GREB1L: variants seen among roughly 807,000 people sequenced by gnomAD.
The protein encoded by GREB1L is GREB1-like protein.
In GREB1L, 17 loss-of-function variants were observed where a neutral mutation model predicts 200.8. That is an observed-to-expected ratio of 0.08 (90% CI 0.06 to 0.13). GREB1L has a LOEUF of 0.13. Ranked by LOEUF, GREB1L falls within the 10% of genes least tolerant of loss-of-function variation. The probability of loss-of-function intolerance (pLI) is 1.00; values close to 1 mark genes in which losing one functional copy is unlikely to be tolerated. For synonymous variants in GREB1L, 789 were observed against 893.0 expected, an observed-to-expected ratio of 0.88 and a Z score of 2.08; for missense variants, 1,657 against 2,367.7, an observed-to-expected ratio of 0.70 and a Z score of 6.23.
intron 1 of GREB1L, among the ~76,000 whole-genome samples, chr18:21,262,137 C>G (rs1334243347): frequency 6.6e-6 from 1 of 152,172 alleles, no homozygotes; most frequent in Non-Finnish European, 1.5e-5. Flanking sequence ...GTCAGACACA[C>G]TGGTTTTTAT....
At position 21,452,187 on chromosome 18, in the gene GREB1L, G is replaced by T; in HGVS notation, c.1954G>T (p.Ala652Ser). ...TAATGAATGTGTGTCACCCCAGGAG[G>T]CTGCTGCTATGATTCCCACACAAAA... The part of the protein sequence containing the change: ...DLNECVSPQE[A>S]AAMIPTQNLD... Residue 652 changes from alanine to serine, a missense_variant, in exon 14 of 33, where the codon GCT (alanine) becomes TCT (serine). By Grantham distance (99) the Ala-to-Ser change is moderately conservative. Transcript: ENST00000424526. The T allele has an allele frequency of 6.4e-7, 1 of 1,551,688 alleles. No individual in the cohort carries two copies. The highest frequency in any genetic ancestry group is 8.7e-7 in the Non-Finnish European group (1 of 1,146,926).
At chr18:21,360,890 G>A (rs2039571471) in intron 1 of GREB1L, among the ~76,000 whole-genome samples, 1 of 152,090 alleles carries the variant, frequency 6.6e-6, no homozygotes, top group Non-Finnish European at 1.5e-5. Flanking sequence ...GGTGACTTCT[G>A]GGATCTATAT....
intron 1 of GREB1L, among the ~76,000 whole-genome samples, chr18:21,257,367 C>G (rs980529831): frequency 6.6e-6 from 1 of 152,138 alleles, no homozygotes; most frequent in Non-Finnish European, 1.5e-5. Context: ...ACCTTTCCCC[C>G]CCTTGTTCAT....
intron 7 of GREB1L, among the ~76,000 whole-genome samples, chr18:21,414,457 G>T (rs989307389): frequency 6.6e-6 from 1 of 152,098 alleles, no homozygotes; most frequent in South Asian, 2.1e-4. Flanking sequence ...TAATCCAAAT[G>T]TATAGGTTAG....
At chr18:21,520,541 A>C in intron 31 of GREB1L, 147 bp from the exon 32 acceptor site, 4 of 832,940 alleles carry the variant, frequency 4.8e-6, no homozygotes, top group South Asian at 1.8e-5. Context: ...TAACTAACCA[A>C]GCCATTTAAG....
At chr18:21,419,441 G>A (rs2031952503) in intron 7 of GREB1L, among the ~76,000 whole-genome samples, 1 of 151,982 alleles carries the variant, frequency 6.6e-6, no homozygotes, top group African/African-American at 2.4e-5. Context: ...GCACATACAG[G>A]GACAACTGAC....
chr18:21,470,750 T>G (rs1424649660), intron 15 of GREB1L, among the ~76,000 whole-genome samples: 1 of 152,048 alleles, frequency 6.6e-6, no homozygotes, highest in Non-Finnish European at 1.5e-5. Context: ...GGCTGCACAA[T>G]ATGCATAGAA....
At chr18:21,254,420 G>A (rs1363591190) in intron 1 of GREB1L, among the ~76,000 whole-genome samples, 6 of 151,742 alleles carry the variant, frequency 4.0e-5, no homozygotes, top group Non-Finnish European at 5.9e-5. Flanking sequence ...TGTTTTTCAC[G>A]CGTATCATTT....
intron 27 of GREB1L, among the ~76,000 whole-genome samples, chr18:21,511,853 A>G (rs910689424): frequency 1.3e-5 from 2 of 152,146 alleles, no homozygotes; most frequent in Non-Finnish European, 2.9e-5. Context: ...TGTGTTGCTC[A>G]GGCTGCTCTC....
At chr18:21,443,951 G>C (rs947676919) in intron 10 of GREB1L, among the ~76,000 whole-genome samples, 5 of 152,154 alleles carry the variant, frequency 3.3e-5, no homozygotes, top group African/African-American at 9.7e-5. Flanking sequence ...TTTTTCTTCT[G>C]ACTATTTCAG....
intron 5 of GREB1L, among the ~76,000 whole-genome samples, chr18:21,399,656 T>C (rs537633472): frequency 6.6e-6 from 1 of 152,324 alleles, no homozygotes; most frequent in African/African-American, 2.4e-5. Flanking sequence ...TTTTAAGTCA[T>C]TTATAAAATT....
intron 23 of GREB1L, 119 bp downstream of exon 23, chr18:21,500,761 T>G (rs2036755328): frequency 2.0e-5 from 14 of 694,654 alleles, no homozygotes; most frequent in Non-Finnish European, 3.3e-5. Context: ...GCAGAGTTAT[T>G]GGGAGGCTAA....
chr18:21,488,220 C>G (rs1480161806), intron 18 of GREB1L, among the ~76,000 whole-genome samples: 1 of 151,922 alleles, frequency 6.6e-6, no homozygotes, highest in Non-Finnish European at 1.5e-5. Flanking sequence ...TGCTTGAACC[C>G]GGGAAGCGAA....
chr18:21,518,263 T>C, intron 31 of GREB1L, 29 bp downstream of exon 31: 1 of 1,531,014 alleles, frequency 6.5e-7, no homozygotes, highest in Non-Finnish European at 8.8e-7. Flanking sequence ...ATACTGTGCT[T>C]ACCTACATCC....
intron 1 of GREB1L, among the ~76,000 whole-genome samples, chr18:21,315,766 C>T (rs2038857906): frequency 6.6e-6 from 1 of 152,052 alleles, no homozygotes; most frequent in African/African-American, 2.4e-5. Context: ...TTCTTAATGA[C>T]CTGGAAGGCC....
intron 31 of GREB1L, 75 bp from the exon 32 acceptor site, chr18:21,520,613 T>G (rs1386839650): frequency 1.4e-6 from 2 of 1,453,496 alleles, no homozygotes; most frequent in Non-Finnish European, 1.9e-6. Context: ...AGGAAGGTAC[T>G]GAGTCATTCT....
At chr18:21,288,150 T>C (rs1208605684) in intron 1 of GREB1L, among the ~76,000 whole-genome samples, 2 of 152,312 alleles carry the variant, frequency 1.3e-5, no homozygotes, top group Admixed American at 1.3e-4. Context: ...ATTATTACTT[T>C]TTCCCCCATT....
chr18:21,423,921 A>T (rs1239988615), intron 7 of GREB1L, among the ~76,000 whole-genome samples: 1 of 152,186 alleles, frequency 6.6e-6, no homozygotes, highest in African/African-American at 2.4e-5. Flanking sequence ...TTATTAATTT[A>T]GGATTGCCCT....
chr18:21,473,535 C>T (rs1168898845), intron 16 of GREB1L, among the ~76,000 whole-genome samples: 2 of 147,080 alleles, frequency 1.4e-5, no homozygotes, highest in Admixed American at 6.9e-5. Flanking sequence ...CACCACTGCA[C>T]TCCTGTCTGG....
Sources: allele counts gnomAD v4.1 joint callset (sites outside exome capture counted in the v4.1 genomes callset), GRCh38; gene constraint gnomAD v4.1.1; transcripts MANE v1.5; gene names NCBI Gene and HGNC (gene_info 2026-07-23, HGNC 2026-07-21).